The following AXL variants were observed in gnomAD, a reference collection of about 807,000 sequenced individuals.
AXL encodes AXL receptor tyrosine kinase.
A neutral mutation model predicts 104.5 loss-of-function variants in AXL; 52 were observed. The observed-to-expected ratio is 0.50, with a 90% CI of 0.40 to 0.63. AXL has a LOEUF of 0.63. Among genes scored for constraint, AXL ranks in the 20% least tolerant of loss-of-function variants. The pLI is 0.00. For synonymous variants in AXL, 455 were observed against 473.7 expected, an observed-to-expected ratio of 0.96 and a Z score of 0.51; for missense variants, 1,024 against 1,188.5, an observed-to-expected ratio of 0.86 and a Z score of 2.04.
In AXL at chr19:41,260,738, C is replaced by G. The variant is rs2034526753; in HGVS notation, c.*834C>G. 6.6e-6 allele frequency: 1 copy of G among 152,148 alleles called. No individual in the cohort carries two copies. The highest frequency in any genetic ancestry group is 1.5e-5 in the Non-Finnish European group (1 of 68,038). 9.4% of individuals were successfully genotyped at this position (152,148 alleles called of 1,614,324 possible). On this transcript the variant is annotated 3_prime_UTR_variant, in exon 20 of 20. Transcript: ENST00000301178. ...GATTCTGATTTTAGGAGCTAAGGCT[C>G]TATGAGTCTAGATGTTTATTCTTCT...
intron 19 of AXL, 84 bp downstream of exon 19, chr19:41,257,713 C>G (rs1228964461): frequency 6.5e-7 from 1 of 1,536,084 alleles, no homozygotes; most frequent in African/African-American, 1.4e-5. Context: ...GTCCAGGACT[C>G]TCTATAACCC....
In AXL at chr19:41,238,082, C is replaced by T. The variant is rs1306116384; in HGVS notation, c.922C>T (p.Arg308Cys). The T allele has an allele frequency of 1.2e-5, 19 of 1,613,930 alleles. No individual in the cohort carries two copies. The highest frequency in any genetic ancestry group is 1.7e-5 in the Admixed American group (1 of 59,982). ...CCATCCTCACACCCCTTATCACATCCGCGTGGCATGCACCAGCAGCCAGGG... is the reference window on the plus strand; with the variant it reads ...CCATCCTCACACCCCTTATCACATCTGCGTGGCATGCACCAGCAGCCAGGG... The part of the protein sequence containing the change: ...SLHPHTPYHI[R>C]VACTSSQGPS... Residue 308 changes from arginine to cysteine, a missense_variant, in exon 7 of 20, where the codon CGC becomes TGC. Arg to Cys is a radical substitution (Grantham distance 180). Around this residue, in one of 5 missense-constraint regions of AXL, gnomAD observed 332 missense variants for 343.9 expected, o/e 0.97. Coordinates refer to ENST00000301178, the MANE Select transcript of AXL (RefSeq NM_021913.5).
rs746830369 is a variant in AXL at position 41,248,584 on chromosome 19, G to A, written c.1608G>A (p.Val536=). The A allele has an allele frequency of 6.2e-7, 1 of 1,614,158 alleles. No individual in the cohort carries two copies. The highest frequency in any genetic ancestry group is 8.5e-7 in the Non-Finnish European group (1 of 1,180,036). Residue 536 remains valine, a synonymous_variant, in exon 13 of 20, where the codon GTG becomes GTA. Transcript: ENST00000301178. Reference sequence around the variant, plus strand: ...ATGTGATGGTGGACCGGCACAAGGTGGCCCTGGGGAAGACTCTGGGAGAGG... The same window carrying A: ...ATGTGATGGTGGACCGGCACAAGGTAGCCCTGGGGAAGACTCTGGGAGAGG... ...LRDVMVDRHK[V]ALGKTLGEGE...
Position 41,248,486 on chromosome 19 carries a change from ACT to A in AXL, c.1538-25_1538-24del, listed in dbSNP as rs765194747. On this transcript the variant is annotated intron_variant, in intron 12 of 19. Coordinates refer to ENST00000301178, the MANE Select transcript of AXL (RefSeq NM_021913.5). The stretch of plus-strand genomic sequence containing the variant: ...ACCTGAATGTCAGCCCTGCTCCATG[ACT>A]CTGTCCACCCCAACCTTGCATGCAG... The A allele has an allele frequency of 8.1e-6, 13 of 1,610,476 alleles. No homozygotes were observed. The Middle Eastern group carries it at 5.0e-4, about 62-fold the overall frequency.
chr19:41,237,641 C>A (rs2034103477), intron 6 of AXL, among the ~76,000 whole-genome samples: 1 of 152,184 alleles, frequency 6.6e-6, no homozygotes, highest in Non-Finnish European at 1.5e-5. Context: ...AATCTTTAAA[C>A]AATCCTGTAA....
chr19:41,244,802 T>C (rs2122253208), intron 12 of AXL, among the ~76,000 whole-genome samples: 1 of 151,624 alleles, frequency 6.6e-6, no homozygotes, highest in African/African-American at 2.4e-5. Flanking sequence ...GAGGTGGGTT[T>C]CTTATCACCT....
chr19:41,232,538 C>T (rs927081317), intron 6 of AXL, among the ~76,000 whole-genome samples: 51 of 151,718 alleles, frequency 3.4e-4, no homozygotes, highest in African/African-American at 1.2e-3. Context: ...CAGGAGAATC[C>T]CTTGAACCCT....
Position 41,238,126 on chromosome 19 carries a change from C to G in AXL, c.966C>G (p.His322Gln). The change falls in exon 7 of 20, where the codon CAC becomes CAG. Residue 322 changes from histidine (H) to glutamine (Q), a missense_variant. Transcript: ENST00000301178. ...TSSQGPSSWT[H>Q]WLPVETPEGV... ...GCCAGGGCCCCTCATCCTGGACCCA[C>G]TGGCTTCCTGTGGAGACGCCGGAGG... The G allele has an allele frequency of 6.2e-7, 1 of 1,614,150 alleles. No individual in the cohort carries two copies. Among genetic ancestry groups the G allele is most frequent in the Non-Finnish European group, 8.5e-7 (1 of 1,180,022 alleles).
intron 16 of AXL, 103 bp from the exon 17 acceptor site, chr19:41,253,496 A>G (rs1262689965): frequency 1.2e-6 from 1 of 863,816 alleles, no homozygotes; most frequent in Non-Finnish European, 1.9e-6. Flanking sequence ...GGGCCATGGG[A>G]AACCACTGCG....
At chr19:41,245,017 G>A (rs1212045564) in intron 12 of AXL, among the ~76,000 whole-genome samples, 1 of 150,812 alleles carries the variant, frequency 6.6e-6, no homozygotes, top group Non-Finnish European at 1.5e-5. Context: ...TGCAACCTCC[G>A]CCTCCTGGAT....
At chr19:41,237,044 G>T (rs747977789) in intron 6 of AXL, among the ~76,000 whole-genome samples, 20 of 152,010 alleles carry the variant, frequency 1.3e-4, no homozygotes, top group Non-Finnish European at 2.8e-4. Context: ...AAAGTCAAAA[G>T]ATTGGACACC....
At chr19:41,236,104 G>T (rs2034074028) in intron 6 of AXL, among the ~76,000 whole-genome samples, 1 of 151,862 alleles carries the variant, frequency 6.6e-6, no homozygotes, top group Admixed American at 6.6e-5. Context: ...GCCGAGGGGG[G>T]CGGATCACTT....
At chr19:41,224,293 G>T (rs2033841934) in intron 4 of AXL, among the ~76,000 whole-genome samples, 1 of 152,084 alleles carries the variant, frequency 6.6e-6, no homozygotes, top group Admixed American at 6.6e-5. Context: ...ATGGGTGTGA[G>T]AGTGTCCTAG....
At chr19:41,222,235 T>C (rs2033804251) in intron 4 of AXL, among the ~76,000 whole-genome samples, 179 bp downstream of exon 4, 1 of 152,164 alleles carries the variant, frequency 6.6e-6, no homozygotes, top group African/African-American at 2.4e-5. Context: ...CTATCTTATT[T>C]CTCTCCGTAT....
chr19:41,233,424 C>T (rs984854210), intron 6 of AXL, among the ~76,000 whole-genome samples: 6 of 151,654 alleles, frequency 4.0e-5, no homozygotes, highest in Non-Finnish European at 8.8e-5. Context: ...ATAGCTCACG[C>T]CTGTAATCCC....
intron 4 of AXL, among the ~76,000 whole-genome samples, chr19:41,222,991 A>C (rs1232274349): frequency 1.4e-5 from 2 of 145,332 alleles, no homozygotes; most frequent in African/African-American, 2.6e-5. Flanking sequence ...GTGACCCAAG[A>C]TGAACATAGA....
At chr19:41,251,387 C>A (rs1029632364) in intron 14 of AXL, among the ~76,000 whole-genome samples, 10 of 151,808 alleles carry the variant, frequency 6.6e-5, no homozygotes, top group Non-Finnish European at 1.0e-4. Flanking sequence ...CATGGTGAAA[C>A]CCCGTTTCTA....
chr19:41,225,813 G>A (rs1308213776), intron 4 of AXL, among the ~76,000 whole-genome samples: 1 of 152,122 alleles, frequency 6.6e-6, no homozygotes, highest in East Asian at 1.9e-4. Flanking sequence ...GCCCCTGTGT[G>A]TTTAAGTGTG....
intron 17 of AXL, among the ~76,000 whole-genome samples, chr19:41,254,391 AAAG>A (rs546804611): frequency 0.11 from 15,747 of 139,314 alleles, 969 homozygotes; most frequent in East Asian, 0.22. Context: ...AAAAAAAAAA[AAAG>A]AAAGAAAGAA....
Sources: gnomAD v4.1 joint callset for allele counts (sites outside exome capture counted in the v4.1 genomes callset) on GRCh38, gnomAD v4.1.1 for gene constraint, gnomAD v4.1.1 regional missense constraint, MANE v1.5 for transcripts, NCBI Gene and HGNC (gene_info 2026-07-23, HGNC 2026-07-21) for gene names.